Variants in WWOX observed in about 807,000 individuals in gnomAD.
WWOX encodes WW domain containing oxidoreductase.
In WWOX, 69 loss-of-function variants were observed where a neutral mutation model predicts 46.2. That is an observed-to-expected ratio of 1.49 (90% CI 1.23 to 1.82). WWOX has a LOEUF of 1.82. Among genes scored for constraint, WWOX ranks in the 40% most tolerant of loss-of-function variants. The pLI, the probability that WWOX is intolerant of heterozygous loss-of-function variation, is 0.00. For synonymous variants in WWOX, 359 were observed against 202.6 expected (o/e 1.77, Z -6.56); for missense variants, 919 against 542.6 (o/e 1.69, Z -6.89).
chr16:78,658,089 A>G (rs2047122117), intron 8 of WWOX, among the ~76,000 whole-genome samples: 1 of 152,186 alleles, frequency 6.6e-6, no homozygotes, highest in Non-Finnish European at 1.5e-5. Flanking sequence ...ATTAAGCAAC[A>G]TCACTGGCCT....
chr16:78,682,718 T>C (rs1239492842), intron 8 of WWOX, among the ~76,000 whole-genome samples: 4 of 152,126 alleles, frequency 2.6e-5, no homozygotes, highest in African/African-American at 4.8e-5. Flanking sequence ...TATTAAAAAA[T>C]TAAAAATGAA....
rs9926677 is a variant in WWOX, at chr16:78,471,136, A to T, written c.1056+38384A>T. On this transcript the variant is annotated intron_variant, in intron 8 of 8. Transcript: ENST00000566780. Reference sequence around the variant, plus strand: ...CTAGGACTGAACAGGGAAGAGGGAAAAGTCAAAAGAATGACAGAAGGTCCT... The same window carrying T: ...CTAGGACTGAACAGGGAAGAGGGAATAGTCAAAAGAATGACAGAAGGTCCT... Among the ~76,000 whole-genome samples, 250 of 152,320 alleles carry T rather than the reference A, an allele frequency of 1.6e-3. 2 individuals are homozygous for T. Among genetic ancestry groups the T allele is most frequent in the African/African-American group, 5.7e-3 (236 of 41,578 alleles).
At chr16:78,912,705 A>C (rs2045143162) in intron 8 of WWOX, among the ~76,000 whole-genome samples, 1 of 152,006 alleles carries the variant, frequency 6.6e-6, no homozygotes, top group Non-Finnish European at 1.5e-5. Flanking sequence ...AGCTCTCATA[A>C]AACTTTATGG....
At chr16:78,843,253 G>A (rs563895225) in intron 8 of WWOX, among the ~76,000 whole-genome samples, 1 of 150,068 alleles carries the variant, frequency 6.7e-6, no homozygotes, top group East Asian at 1.9e-4. Context: ...TCCTTCATGA[G>A]CTTGTACCTC....
At chr16:78,307,896 C>T (rs2080163172) in intron 5 of WWOX, among the ~76,000 whole-genome samples, 6 of 152,160 alleles carry the variant, frequency 3.9e-5, no homozygotes. Context: ...AAATCACACT[C>T]TAATTTAGCA....
At chr16:78,192,684 G>A (rs2042351) in intron 5 of WWOX, among the ~76,000 whole-genome samples, 113,789 of 151,998 alleles carry the variant, frequency 0.75, 42,992 homozygotes, top group African/African-American at 0.86. Flanking sequence ...AAGCTTTATT[G>A]TTACAGATAA....
intron 8 of WWOX, among the ~76,000 whole-genome samples, chr16:79,081,835 G>T (rs2048766110): frequency 1.3e-5 from 2 of 152,122 alleles, no homozygotes; most frequent in Admixed American, 1.3e-4. Context: ...TGACAAAGCA[G>T]ATTGCTTCCT....
chr16:78,290,772 C>T (rs1366667357), intron 5 of WWOX, among the ~76,000 whole-genome samples: 1 of 151,922 alleles, frequency 6.6e-6, no homozygotes, highest in Non-Finnish European at 1.5e-5. Context: ...ATTTAGGGAG[C>T]ACTTTTCAAA....
intron 8 of WWOX, among the ~76,000 whole-genome samples, chr16:78,546,991 G>A (rs2044048874): frequency 6.6e-6 from 1 of 151,922 alleles, no homozygotes; most frequent in Non-Finnish European, 1.5e-5. Flanking sequence ...AGCTGGGCAT[G>A]GTAGTGCATG....
At chr16:79,117,956 A>G (rs1016279268) in intron 8 of WWOX, among the ~76,000 whole-genome samples, 3 of 152,216 alleles carry the variant, frequency 2.0e-5, no homozygotes, top group Admixed American at 6.5e-5. Flanking sequence ...TATGGGTGAT[A>G]ACGCTGTTTT....
intron 8 of WWOX, among the ~76,000 whole-genome samples, chr16:78,464,638 T>C (rs1363796241): frequency 1.3e-5 from 2 of 152,144 alleles, no homozygotes; most frequent in African/African-American, 4.8e-5. Flanking sequence ...ATCTGTCTGC[T>C]TTTGCCCCTC....
intron 5 of WWOX, among the ~76,000 whole-genome samples, chr16:78,307,772 C>G (rs1452547952): frequency 6.6e-6 from 1 of 152,086 alleles, no homozygotes; most frequent in Non-Finnish European, 1.5e-5. Flanking sequence ...CTTAATATTC[C>G]TTTTCATGGG....
chr16:78,877,285 C>T (rs1052056216), intron 8 of WWOX, among the ~76,000 whole-genome samples: 18 of 145,072 alleles, frequency 1.2e-4, no homozygotes, highest in African/African-American at 4.0e-4. Flanking sequence ...GCCTCCCCCC[C>T]TCTGACCCGC....
chr16:78,545,081 T>C (rs955822111), intron 8 of WWOX, among the ~76,000 whole-genome samples: 5 of 152,022 alleles, frequency 3.3e-5, no homozygotes, highest in African/African-American at 1.2e-4. Flanking sequence ...GTGAATTAAG[T>C]TTTCATTCTC....
chr16:78,682,351 C>G (rs563985283), intron 8 of WWOX, among the ~76,000 whole-genome samples: 2 of 152,272 alleles, frequency 1.3e-5, no homozygotes, highest in African/African-American at 4.8e-5. Flanking sequence ...CACCTTTCAG[C>G]TCAGTTTTTT....
chr16:78,350,024 T>C lies in WWOX; in HGVS notation c.517-36836T>C, dbSNP rs1196711201. Among the ~76,000 whole-genome samples the C allele has an allele frequency of 4.1e-5, 5 of 121,508 alleles. 2 individuals are homozygous for C. The highest frequency in any genetic ancestry group is 9.8e-5 in the Non-Finnish European group (5 of 50,818). The allele number at this position is 121,508 out of a possible 152,430, so 79.7% of individuals were successfully genotyped here. ...CCAAATAACATCGTACTGTGTATTATTCTCTAGTAGCCTGCTTTTTATTGA... is the reference window on the plus strand; with the variant it reads ...CCAAATAACATCGTACTGTGTATTACTCTCTAGTAGCCTGCTTTTTATTGA... On this transcript the variant is annotated intron_variant, in intron 5 of 8. Transcript: ENST00000566780.
chr16:79,136,563 T>G (rs972909525), intron 8 of WWOX, among the ~76,000 whole-genome samples: 2 of 152,074 alleles, frequency 1.3e-5, no homozygotes, highest in African/African-American at 4.8e-5. Context: ...TCTGTGAAAT[T>G]GTGATTGGGA....
chr16:78,752,718 C>G (rs1232430695), intron 8 of WWOX, among the ~76,000 whole-genome samples: 2 of 152,232 alleles, frequency 1.3e-5, no homozygotes, highest in East Asian at 1.9e-4. Flanking sequence ...CTGCTTTGTG[C>G]TAATGAGTTT....
intron 5 of WWOX, among the ~76,000 whole-genome samples, chr16:78,304,855 C>T (rs1177396702): frequency 6.6e-6 from 1 of 152,164 alleles, no homozygotes; most frequent in African/African-American, 2.4e-5. Flanking sequence ...GAGGTTGAAC[C>T]ATTTGACACA....
Sources: gnomAD v4.1 joint callset for allele counts (sites outside exome capture counted in the v4.1 genomes callset) on GRCh38, gnomAD v4.1.1 for gene constraint, MANE v1.5 for transcripts, NCBI Gene and HGNC (gene_info 2026-07-23, HGNC 2026-07-21) for gene names.